Variants in SCP2 observed in about 807,000 individuals in gnomAD.
The protein encoded by SCP2 is SCP-2/3-oxoacyl-CoA thiolase.
Under a neutral mutation model 71.4 loss-of-function variants are expected in SCP2, and 48 were observed. The ratio of observed to expected loss-of-function variants is 0.67; its 90% CI spans 0.53 to 0.86. The LOEUF is 0.86. Ranked by LOEUF, SCP2 falls within the 40% of genes least tolerant of loss-of-function variation. The pLI, the probability that SCP2 is intolerant of heterozygous loss-of-function variation, is 0.00. For synonymous variants in SCP2, 220 were observed against 218.1 expected (o/e 1.01, Z -0.08); for missense variants, 560 against 655.6 (o/e 0.85, Z 1.59).
At chr1:53,007,312 A>C (rs1298926581) in intron 11 of SCP2, among the ~76,000 whole-genome samples, 3 of 152,240 alleles carry the variant, frequency 2.0e-5, no homozygotes, top group Non-Finnish European at 2.9e-5. Context: ...ACCCCAAATC[A>C]ACAGAATATA....
intron 6 of SCP2, among the ~76,000 whole-genome samples, chr1:52,970,967 G>GTTTTTTTTTTTTTT (rs1657419007): frequency 8.1e-6 from 1 of 123,382 alleles, no homozygotes; most frequent in African/African-American, 3.7e-5. Context: ...GAGAGACACA[G>GTTTTTTTTTTTTTT]ATTTTTTTTT....
At chr1:52,984,632 G>T (rs1310108229) in intron 10 of SCP2, among the ~76,000 whole-genome samples, 3 of 151,760 alleles carry the variant, frequency 2.0e-5, no homozygotes, top group African/African-American at 7.3e-5. Flanking sequence ...CCGCTACCTG[G>T]GTTCAAGTGA....
At chr1:53,046,556 T>TA (rs1491470765) in intron 14 of SCP2, among the ~76,000 whole-genome samples, 3 of 152,186 alleles carry the variant, frequency 2.0e-5, no homozygotes, top group Non-Finnish European at 2.9e-5. Flanking sequence ...TTCTTTTTTT[T>TA]ATCTTTTCCT....
chr1:53,015,024 G>A lies in SCP2; in HGVS notation c.1216G>A (p.Gly406Ser), dbSNP rs752749344. 3.7e-6 allele frequency: 6 copies of A among 1,614,034 alleles called. No individual in the cohort carries two copies. In the African/African-American group the frequency reaches 6.7e-5, roughly 18 times the overall value. Reference sequence around the variant, plus strand: ...TGTGGTTGTAACACTCTACAAGATGGGTTTTCCGGAAGCCGCCAGGTGAGT... The same window carrying A: ...TGTGGTTGTAACACTCTACAAGATGAGTTTTCCGGAAGCCGCCAGGTGAGT... ...GAVVVTLYKM[G>S]FPEAASSFRT... The change falls in exon 12 of 16, where the codon GGT (glycine) becomes AGT (serine). Residue 406 changes from glycine (G) to serine (S), a missense_variant. This residue lies in a region of SCP2 where 513 missense variants were observed against 573.1 expected (regional missense o/e 0.90). Coordinates refer to ENST00000371514, the MANE Select transcript of SCP2 (RefSeq NM_002979.5).
At chr1:53,036,247 A>C (rs1662943142) in intron 13 of SCP2, among the ~76,000 whole-genome samples, 1 of 149,606 alleles carries the variant, frequency 6.7e-6, no homozygotes, top group Non-Finnish European at 1.5e-5. Context: ...CATTTAAGAT[A>C]TATATATAAA....
intron 13 of SCP2, among the ~76,000 whole-genome samples, chr1:53,032,840 T>A (rs551913275): frequency 6.6e-6 from 1 of 152,312 alleles, no homozygotes; most frequent in East Asian, 1.9e-4. Flanking sequence ...GAGCTAATAC[T>A]AATGTCTGCC....
chr1:53,006,297 C>T (rs528810237), intron 11 of SCP2, among the ~76,000 whole-genome samples: 15 of 152,102 alleles, frequency 9.9e-5, no homozygotes, highest in South Asian at 4.2e-4. Context: ...AGATACTCCT[C>T]GAGAAGAGCA....
At chr1:52,957,694 T>A (rs1335942797) in intron 5 of SCP2, among the ~76,000 whole-genome samples, 4 of 152,232 alleles carry the variant, frequency 2.6e-5, no homozygotes, top group Non-Finnish European at 5.9e-5. Context: ...TTCAATTCTT[T>A]CTCTCATGAA....
chr1:53,040,050 T>C (rs1663309898), intron 14 of SCP2, among the ~76,000 whole-genome samples: 1 of 152,220 alleles, frequency 6.6e-6, no homozygotes, highest in South Asian at 2.1e-4. Flanking sequence ...TTTTCTCTTA[T>C]ACTCCACAGT....
At chr1:53,026,994 AG>A (rs1662181880) in intron 12 of SCP2, among the ~76,000 whole-genome samples, 1 of 147,944 alleles carries the variant, frequency 6.8e-6, no homozygotes. Context: ...GATGGGGTGC[AG>A]TGGTGTGATC....
intron 15 of SCP2, 166 bp from the exon 16 acceptor site, chr1:53,050,443 T>G: frequency 1.7e-6 from 1 of 577,066 alleles, no homozygotes; most frequent in Non-Finnish European, 3.1e-6. Context: ...AATTCTTCCT[T>G]TTGAAGAATG....
chr1:53,021,882 T>C, intron 12 of SCP2, among the ~76,000 whole-genome samples: 1 of 152,008 alleles, frequency 6.6e-6, no homozygotes, highest in Non-Finnish European at 1.5e-5. Context: ...TGGCCTCATG[T>C]GATCCACCTG....
intron 2 of SCP2, among the ~76,000 whole-genome samples, chr1:52,944,348 C>T (rs531354661): frequency 1.3e-5 from 2 of 152,192 alleles, no homozygotes; most frequent in South Asian, 4.2e-4. Context: ...CTCTTTCTAA[C>T]TATTCCTTCA....
chr1:52,965,973 T>C (rs1297878529), intron 6 of SCP2, among the ~76,000 whole-genome samples: 4 of 152,110 alleles, frequency 2.6e-5, no homozygotes, highest in Non-Finnish European at 5.9e-5. Flanking sequence ...ATTAATCTTA[T>C]GACTTGCTAT....
At chr1:53,003,095 A>C (rs1660419453) in intron 11 of SCP2, among the ~76,000 whole-genome samples, 1 of 152,144 alleles carries the variant, frequency 6.6e-6, no homozygotes, top group Admixed American at 6.5e-5. Context: ...AGGAGAGGTA[A>C]ATTTTATCAT....
intron 10 of SCP2, among the ~76,000 whole-genome samples, chr1:52,987,006 A>ATATATATATAT (rs1386745740): frequency 1.8e-5 from 2 of 110,490 alleles, no homozygotes; most frequent in East Asian, 4.9e-4. Context: ...ATATATATAT[A>ATATATATATAT]TTTTTTTTTT....
intron 1 of SCP2, among the ~76,000 whole-genome samples, chr1:52,932,989 T>C (rs1016399852): frequency 6.6e-6 from 1 of 152,218 alleles, no homozygotes; most frequent in African/African-American, 2.4e-5. Context: ...CATCTTTAAA[T>C]GTTTTTCTGG....
Position 53,047,924 on chromosome 1 carries a change from T to C in SCP2, c.1535T>C (p.Met512Thr). The C allele has an allele frequency of 6.2e-7, 1 of 1,611,588 alleles. No individual in the cohort carries two copies. The highest frequency in any genetic ancestry group is 8.5e-7 in the Non-Finnish European group (1 of 1,177,780). ...TTCCTGGCTTTAATGACTGGTAAAATGAATCCTCAGTCGGTAAGTATGATG... is the reference window on the plus strand; with the variant it reads ...TTCCTGGCTTTAATGACTGGTAAAACGAATCCTCAGTCGGTAAGTATGATG... ...SDFLALMTGKMNPQSAFFQGK... is the reference protein window; with the variant it reads ...SDFLALMTGKTNPQSAFFQGK... Residue 512 changes from methionine (M) to threonine (T), a missense_variant, in exon 15 of 16, where the codon ATG becomes ACG. Physicochemically the swap from Met to Thr is moderately conservative, Grantham distance 81. Transcript: ENST00000371514.
At chr1:52,971,742 C>T (rs565384392) in intron 6 of SCP2, among the ~76,000 whole-genome samples, 53 of 152,312 alleles carry the variant, frequency 3.5e-4, no homozygotes, top group African/African-American at 1.3e-3. Context: ...TCTTTGAGCA[C>T]ACATTCCTTC....
Sources: gnomAD v4.1 joint callset for allele counts (sites outside exome capture counted in the v4.1 genomes callset) on GRCh38, gnomAD v4.1.1 for gene constraint, gnomAD v4.1.1 regional missense constraint, MANE v1.5 for transcripts, NCBI Gene and HGNC (gene_info 2026-07-23, HGNC 2026-07-21) for gene names.